The following TMCC1 variants were observed in gnomAD, a reference collection of about 807,000 sequenced individuals.
The protein encoded by TMCC1 is transmembrane and coiled-coil domains protein 1.
TMCC1 carries 15 observed loss-of-function variants against 52.4 expected under a neutral mutation model. The ratio of observed to expected loss-of-function variants is 0.29; its 90% CI spans 0.19 to 0.44. TMCC1 has a LOEUF of 0.44. Ranked by LOEUF, TMCC1 falls within the 20% of genes least tolerant of loss-of-function variation. The probability of loss-of-function intolerance (pLI) is 1.00; values close to 1 mark genes in which losing one functional copy is unlikely to be tolerated. For missense variants in TMCC1, 503 were observed against 806.0 expected, an observed-to-expected ratio of 0.62 and a Z score of 4.55; for synonymous variants, 279 against 301.9, an observed-to-expected ratio of 0.92 and a Z score of 0.79.
At chr3:129,846,180 A>C (rs965714519) in intron 2 of TMCC1, among the ~76,000 whole-genome samples, 2 of 152,092 alleles carry the variant, frequency 1.3e-5, no homozygotes, top group African/African-American at 4.8e-5. Context: ...TGGGCTGGGC[A>C]TGGTGACTCA....
intron 4 of TMCC1, among the ~76,000 whole-genome samples, chr3:129,682,201 T>C (rs2089049519): frequency 6.6e-6 from 1 of 152,094 alleles, no homozygotes; most frequent in Non-Finnish European, 1.5e-5. Flanking sequence ...GCGTGATCAT[T>C]GTGCACTGTA....
At chr3:129,775,555 A>G (rs2054972281) in intron 4 of TMCC1, among the ~76,000 whole-genome samples, 1 of 152,176 alleles carries the variant, frequency 6.6e-6, no homozygotes, top group Non-Finnish European at 1.5e-5. Flanking sequence ...TAATAAGATA[A>G]ACACTGGAAA....
intron 4 of TMCC1, among the ~76,000 whole-genome samples, chr3:129,783,312 TG>T (rs1258317902): frequency 1.3e-5 from 2 of 152,216 alleles, no homozygotes; most frequent in Admixed American, 6.5e-5. Context: ...TAAATACTGA[TG>T]TTTATGCAGG....
chr3:129,736,275 C>T (rs2050952138), intron 4 of TMCC1, among the ~76,000 whole-genome samples: 2 of 152,176 alleles, frequency 1.3e-5, no homozygotes, highest in Non-Finnish European at 2.9e-5. Context: ...TCTGCATCTG[C>T]AACTGGCAGG....
intron 4 of TMCC1, among the ~76,000 whole-genome samples, chr3:129,699,319 T>A (rs935357432): frequency 2.0e-5 from 3 of 152,206 alleles, no homozygotes; most frequent in East Asian, 1.9e-4. Context: ...CATTATATGC[T>A]AATTACAATG....
At chr3:129,716,711 C>T (rs192504200) in intron 4 of TMCC1, among the ~76,000 whole-genome samples, 8 of 152,126 alleles carry the variant, frequency 5.3e-5, no homozygotes, top group East Asian at 1.9e-4. Context: ...CTCAACTGCC[C>T]GGCAGATAAA....
At chr3:129,841,704 A>G (rs1006507517) in intron 2 of TMCC1, among the ~76,000 whole-genome samples, 2 of 152,256 alleles carry the variant, frequency 1.3e-5, no homozygotes, top group African/African-American at 4.8e-5. Flanking sequence ...GAAAATTTGC[A>G]GCCTTACCAT....
At chr3:129,718,131 GTTTAT>G (rs1283081890) in intron 4 of TMCC1, among the ~76,000 whole-genome samples, 24 of 152,236 alleles carry the variant, frequency 1.6e-4, no homozygotes, top group African/African-American at 3.9e-4. Flanking sequence ...CAGACACTAA[GTTTAT>G]TTTATCATTT....
chr3:129,680,274 C>T (rs1360928165), intron 4 of TMCC1, among the ~76,000 whole-genome samples: 4 of 152,116 alleles, frequency 2.6e-5, no homozygotes, highest in Non-Finnish European at 5.9e-5. Context: ...TGTGTAAATA[C>T]GAAGATGATA....
chr3:129,661,546 T>C (rs934421568), intron 5 of TMCC1, among the ~76,000 whole-genome samples: 2 of 152,242 alleles, frequency 1.3e-5, no homozygotes, highest in African/African-American at 2.4e-5. Flanking sequence ...TATTAGATTA[T>C]TGTCTTTTTA....
chr3:129,735,063 G>A (rs532618352), intron 4 of TMCC1, among the ~76,000 whole-genome samples: 21 of 151,928 alleles, frequency 1.4e-4, no homozygotes, highest in African/African-American at 3.4e-4. Context: ...CACCACGCCC[G>A]GCTAATTTTT....
At chr3:129,720,230 G>GA (rs2107591169) in intron 4 of TMCC1, among the ~76,000 whole-genome samples, 1 of 151,132 alleles carries the variant, frequency 6.6e-6, no homozygotes, top group Non-Finnish European at 1.5e-5. Context: ...TCCATCCAGT[G>GA]AAACTGGGTT....
At chr3:129,844,917 T>C (rs1207379634) in intron 2 of TMCC1, among the ~76,000 whole-genome samples, 1 of 152,188 alleles carries the variant, frequency 6.6e-6, no homozygotes, top group African/African-American at 2.4e-5. Context: ...AGGATGTCTA[T>C]AAGGGTCAGT....
At chr3:129,679,320 T>C (rs1260342207) in intron 4 of TMCC1, among the ~76,000 whole-genome samples, 1 of 152,198 alleles carries the variant, frequency 6.6e-6, no homozygotes, top group African/African-American at 2.4e-5. Context: ...TATTTATTTA[T>C]TTATTGATGG....
Position 129,648,409 on chromosome 3 carries a change from A to G in TMCC1, c.*3072T>C, listed in dbSNP as rs2086143341. 6.6e-6 allele frequency: 1 copy of G among 152,256 alleles called. No homozygotes were observed. The highest frequency in any genetic ancestry group is 6.5e-5 in the Admixed American group (1 of 15,292). The allele number at this position is 152,256 out of a possible 1,614,324, so 9.4% of individuals were successfully genotyped here. ...CTCCATTCAGAACAGGGGAGAGAGA[A>G]GACCCTAGTCAGTGAAGTATAAAAT... On this transcript the variant is annotated 3_prime_UTR_variant, in exon 7 of 7. Transcript: ENST00000393238.
chr3:129,810,661 C>T (rs183658862), intron 4 of TMCC1, among the ~76,000 whole-genome samples: 158 of 152,294 alleles, frequency 1.0e-3, no homozygotes, highest in African/African-American at 3.4e-3. Flanking sequence ...TATGGTATAA[C>T]TCATCACAAA....
Position 129,828,324 on chromosome 3 carries a change from A to AT in TMCC1, c.54dup (p.Ser19IlefsTer18). The AT allele has an allele frequency of 6.2e-7, 1 of 1,614,036 alleles. No individual in the cohort carries two copies. Among genetic ancestry groups the AT allele is most frequent in the Non-Finnish European group, 8.5e-7 (1 of 1,179,996 alleles). ...TGCTTTCTGGCCTCTGCATCTTGGG[A>AT]TTTGCCTCCAGGATCAGGGTCCTCA... is the stretch of plus-strand genomic sequence containing the variant. On this transcript the variant is annotated frameshift_variant, in exon 4 of 7. Transcript: ENST00000393238. LOFTEE classifies it high-confidence loss of function. The surrounding 1 kb of genome is among the most constrained non-coding windows in gnomAD (Gnocchi z 4.1).
intron 4 of TMCC1, among the ~76,000 whole-genome samples, chr3:129,756,073 G>GGGCCA (rs1371679285): frequency 6.7e-6 from 1 of 149,768 alleles, no homozygotes; most frequent in African/African-American, 2.5e-5. Context: ...ACTCCAGCCT[G>GGGCCA]GGCCACAGAG....
rs532974924 is a variant in TMCC1 at position 129,801,857 on chromosome 3, C to T, written c.576+25946G>A. Among the ~76,000 whole-genome samples the T allele has an allele frequency of 2.0e-5, 3 of 152,302 alleles. No homozygotes were observed. The South Asian group carries it at 6.2e-4, about 32-fold the overall frequency. On this transcript the variant is annotated intron_variant, in intron 4 of 6. Coordinates refer to ENST00000393238, the MANE Select transcript of TMCC1 (RefSeq NM_001017395.5). ...AAGATCAGTCCACTTCATGTCATTTCTACTTTTTAACTCACAACAGTTTCT... is the reference window on the plus strand; with the variant it reads ...AAGATCAGTCCACTTCATGTCATTTTTACTTTTTAACTCACAACAGTTTCT...
Sources: gnomAD v4.1 joint callset for allele counts (sites outside exome capture counted in the v4.1 genomes callset) on GRCh38, gnomAD v4.1.1 for gene constraint, Gnocchi (gnomAD v3.1) non-coding constraint, MANE v1.5 for transcripts, NCBI Gene and HGNC (gene_info 2026-07-23, HGNC 2026-07-21) for gene names.